PARD3B: variants seen among roughly 807,000 people sequenced by gnomAD.
PARD3B encodes par-3 family cell polarity regulator beta.
In PARD3B, 103 loss-of-function variants were observed where a neutral mutation model predicts 130.2. The observed-to-expected ratio is 0.79, with a 90% CI of 0.67 to 0.93. The LOEUF is 0.93. Ranked by LOEUF, PARD3B falls within the 40% of genes least tolerant of loss-of-function variation. The probability of loss-of-function intolerance (pLI) is 0.00; values close to 1 mark genes in which losing one functional copy is unlikely to be tolerated. For missense variants in PARD3B, 1,609 were observed against 1,499.2 expected, an observed-to-expected ratio of 1.07 and a Z score of -1.21; for synonymous variants, 583 against 553.2, an observed-to-expected ratio of 1.05 and a Z score of -0.76.
intron 19 of PARD3B, among the ~76,000 whole-genome samples, chr2:205,427,117 T>A (rs1364490696): frequency 2.6e-5 from 4 of 152,228 alleles, no homozygotes; most frequent in African/African-American, 9.6e-5. Flanking sequence ...GACAATGCAC[T>A]CTGTTGATGA....
chr2:205,066,565 G>T (rs1294680728), intron 4 of PARD3B, among the ~76,000 whole-genome samples: 1 of 152,164 alleles, frequency 6.6e-6, no homozygotes. Context: ...TCTTGGAGAA[G>T]TTACTTAACT....
At chr2:204,920,303 G>A (rs1256212779) in intron 2 of PARD3B, among the ~76,000 whole-genome samples, 2 of 152,164 alleles carry the variant, frequency 1.3e-5, no homozygotes, top group Non-Finnish European at 2.9e-5. Context: ...GGCTCTGCAT[G>A]TATTTGCTAA....
Position 205,456,958 on chromosome 2 carries a change from TTATA to T in PARD3B, c.3044+16292_3044+16295del, listed in dbSNP as rs1370437953. Among the ~76,000 whole-genome samples the T allele has an allele frequency of 4.0e-5, 6 of 151,040 alleles. No homozygotes were observed. The South Asian group carries it at 1.2e-3, about 31-fold the overall frequency. On this transcript the variant is annotated intron_variant, in intron 20 of 22. Coordinates refer to ENST00000406610, the MANE Select transcript of PARD3B (RefSeq NM_001302769.2). ...ATAAATTTAATAAATCGTTTAATAA[TTATA>T]TATATTTAATTCATTTGCTAATATT...
chr2:204,815,994 T>A (rs1271316403), intron 2 of PARD3B, among the ~76,000 whole-genome samples: 1 of 151,986 alleles, frequency 6.6e-6, no homozygotes, highest in Non-Finnish European at 1.5e-5. Flanking sequence ...AGGTGTGCTA[T>A]CTTGAGTAGA....
chr2:204,641,523 G>A (rs1242422160), intron 1 of PARD3B, among the ~76,000 whole-genome samples: 1 of 151,926 alleles, frequency 6.6e-6, no homozygotes, highest in Non-Finnish European at 1.5e-5. Context: ...CATGCTTGTT[G>A]TAAATAAAAA....
At chr2:205,329,581 T>C (rs2043042562) in intron 18 of PARD3B, among the ~76,000 whole-genome samples, 1 of 152,144 alleles carries the variant, frequency 6.6e-6, no homozygotes, top group East Asian at 1.9e-4. Flanking sequence ...AATGACAGAG[T>C]TGAACAGACA....
At chr2:205,283,658 C>T (rs2041276703) in intron 16 of PARD3B, among the ~76,000 whole-genome samples, 1 of 152,318 alleles carries the variant, frequency 6.6e-6, no homozygotes, top group African/African-American at 2.4e-5. Flanking sequence ...TTCTATATCA[C>T]ACTCCTCCTA....
chr2:204,790,998 G>C (rs536400214), intron 2 of PARD3B, among the ~76,000 whole-genome samples: 1 of 152,028 alleles, frequency 6.6e-6, no homozygotes, highest in Non-Finnish European at 1.5e-5. Context: ...CCAGCTACTC[G>C]GGAGGCTGAG....
chr2:204,777,430 A>C (rs2041666033), intron 2 of PARD3B, among the ~76,000 whole-genome samples: 1 of 152,162 alleles, frequency 6.6e-6, no homozygotes, highest in Admixed American at 6.6e-5. Flanking sequence ...GGTTTATATG[A>C]ATTTAAAAGA....
At chr2:204,999,690 A>T (rs988553041) in intron 3 of PARD3B, among the ~76,000 whole-genome samples, 1 of 152,198 alleles carries the variant, frequency 6.6e-6, no homozygotes, top group African/African-American at 2.4e-5. Context: ...CAAGGAGCCT[A>T]TTGGAACTGG....
chr2:205,195,675 A>G (rs190395348), intron 15 of PARD3B, among the ~76,000 whole-genome samples: 253 of 152,300 alleles, frequency 1.7e-3, no homozygotes, highest in African/African-American at 4.5e-3. Context: ...GTAGGTGACT[A>G]TGTTTATAGG....
intron 2 of PARD3B, among the ~76,000 whole-genome samples, chr2:204,803,156 A>AT (rs2042635275): frequency 1.3e-4 from 17 of 134,722 alleles, no homozygotes; most frequent in African/African-American, 2.8e-4. Flanking sequence ...AAAAAAAAAA[A>AT]AAAAAAAATA....
At chr2:205,069,497 CT>C (rs1351351445) in intron 4 of PARD3B, among the ~76,000 whole-genome samples, 1 of 151,962 alleles carries the variant, frequency 6.6e-6, no homozygotes, top group Non-Finnish European at 1.5e-5. Context: ...TTTTCCCCAC[CT>C]TTTTTCTCTT....
intron 2 of PARD3B, among the ~76,000 whole-genome samples, chr2:204,927,189 T>G (rs534931884): frequency 6.6e-6 from 1 of 152,246 alleles, no homozygotes; most frequent in South Asian, 2.1e-4. Flanking sequence ...GACTGAATAC[T>G]TAGGTCTGCC....
chr2:205,369,606 G>C (rs2044735396), intron 18 of PARD3B, among the ~76,000 whole-genome samples: 2 of 152,194 alleles, frequency 1.3e-5, no homozygotes, highest in African/African-American at 4.8e-5. Context: ...TAGAGTTAAA[G>C]AAAAATTTCT....
At chr2:204,633,862 A>G (rs10932080) in intron 1 of PARD3B, among the ~76,000 whole-genome samples, 98,985 of 151,996 alleles carry the variant, frequency 0.65, 34,806 homozygotes, top group Non-Finnish European at 0.78. Flanking sequence ...GTGGGTACAT[A>G]GTAGGTATGT....
At chr2:204,874,059 C>G (rs965451752) in intron 2 of PARD3B, among the ~76,000 whole-genome samples, 1 of 152,186 alleles carries the variant, frequency 6.6e-6, no homozygotes, top group Non-Finnish European at 1.5e-5. Flanking sequence ...AGGAGAATTG[C>G]TTAAACCTGG....
intron 19 of PARD3B, among the ~76,000 whole-genome samples, chr2:205,412,330 C>T (rs1341632241): frequency 6.6e-6 from 1 of 152,156 alleles, no homozygotes; most frequent in Non-Finnish European, 1.5e-5. Context: ...GCACAGAAGC[C>T]TGCTTCTCCA....
At chr2:205,582,032 C>T (rs2054009183) in intron 22 of PARD3B, among the ~76,000 whole-genome samples, 1 of 152,144 alleles carries the variant, frequency 6.6e-6, no homozygotes, top group Non-Finnish European at 1.5e-5. Context: ...AACCCAAATC[C>T]ATCCCTCATG....
Sources: gnomAD v4.1 joint callset for allele counts (sites outside exome capture counted in the v4.1 genomes callset) on GRCh38, gnomAD v4.1.1 for gene constraint, MANE v1.5 for transcripts, NCBI Gene and HGNC (gene_info 2026-07-23, HGNC 2026-07-21) for gene names.